Variants in CNTN5 observed in about 807,000 individuals in gnomAD.
The protein encoded by CNTN5 is contactin-5.
CNTN5 carries 77 observed loss-of-function variants against 129.1 expected under a neutral mutation model. The ratio of observed to expected loss-of-function variants is 0.60; its 90% CI spans 0.50 to 0.72. The LOEUF (loss-of-function observed/expected upper bound fraction) is 0.72, where lower values mean the gene tolerates loss of function less well. Among genes scored for constraint, CNTN5 ranks in the 30% least tolerant of loss-of-function variants. The probability of loss-of-function intolerance (pLI) is 0.00; values close to 1 mark genes in which losing one functional copy is unlikely to be tolerated. For synonymous variants in CNTN5, 509 were observed against 465.6 expected (o/e 1.09, Z -1.20); for missense variants, 1,478 against 1,328.8 (o/e 1.11, Z -1.75).
chr11:99,673,894 A>T (rs754392131), intron 3 of CNTN5, among the ~76,000 whole-genome samples: 1 of 152,160 alleles, frequency 6.6e-6, no homozygotes, highest in African/African-American at 2.4e-5. Flanking sequence ...GCTATTGTGA[A>T]TAGTGCTGCA....
At chr11:100,290,911 GA>G (rs1163514413) in intron 18 of CNTN5, among the ~76,000 whole-genome samples, 10 of 151,318 alleles carry the variant, frequency 6.6e-5, no homozygotes, top group East Asian at 2.0e-4. Flanking sequence ...AAATTTACAA[GA>G]AAAAAACAAA....
At chr11:99,932,262 G>C (rs556789521) in intron 7 of CNTN5, among the ~76,000 whole-genome samples, 1 of 152,032 alleles carries the variant, frequency 6.6e-6, no homozygotes, top group African/African-American at 2.4e-5. Flanking sequence ...GGTCGATCTC[G>C]GCTCACTGCA....
At chr11:99,422,530 A>G (rs932769739) in intron 2 of CNTN5, among the ~76,000 whole-genome samples, 3 of 52,002 alleles carry the variant, frequency 5.8e-5, no homozygotes, top group Admixed American at 2.7e-4. Context: ...ATATATATAT[A>G]TATATATATA....
At chr11:99,457,403 G>A (rs955341451) in intron 2 of CNTN5, among the ~76,000 whole-genome samples, 4 of 151,830 alleles carry the variant, frequency 2.6e-5, no homozygotes, top group Non-Finnish European at 5.9e-5. Flanking sequence ...GGAGGAAGCT[G>A]TTGTTTTAGC....
chr11:99,213,426 A>AC (rs1491162947), intron 1 of CNTN5, among the ~76,000 whole-genome samples: 1 of 145,706 alleles, frequency 6.9e-6, no homozygotes, highest in Non-Finnish European at 1.5e-5. Flanking sequence ...ATACATATAT[A>AC]CACGTGTATA....
intron 3 of CNTN5, among the ~76,000 whole-genome samples, chr11:99,600,599 G>A (rs763103331): frequency 3.9e-5 from 6 of 152,062 alleles, no homozygotes; most frequent in African/African-American, 7.2e-5. Flanking sequence ...GTTGGACTCC[G>A]GAGGATTGGG....
intron 1 of CNTN5, among the ~76,000 whole-genome samples, chr11:99,109,411 A>C (rs533921884): frequency 6.6e-6 from 1 of 152,194 alleles, no homozygotes; most frequent in Non-Finnish European, 1.5e-5. Flanking sequence ...TATATTTGTT[A>C]GATAGATATT....
intron 13 of CNTN5, among the ~76,000 whole-genome samples, chr11:100,078,771 A>G (rs1944245260): frequency 6.6e-6 from 1 of 152,106 alleles, no homozygotes; most frequent in Admixed American, 6.6e-5. Flanking sequence ...AGTGAATGTT[A>G]TGTATAATGA....
At chr11:100,349,306 A>G (rs537072571) in intron 23 of CNTN5, among the ~76,000 whole-genome samples, 2 of 152,032 alleles carry the variant, frequency 1.3e-5, no homozygotes, top group Non-Finnish European at 2.9e-5. Flanking sequence ...CTGTAAGAAA[A>G]TATATGTCAA....
chr11:99,367,500 G>A (rs1475354054), intron 2 of CNTN5, among the ~76,000 whole-genome samples: 1 of 152,060 alleles, frequency 6.6e-6, no homozygotes, highest in East Asian at 1.9e-4. Flanking sequence ...TTTGTGTGTA[G>A]GGAGAGCATT....
chr11:99,845,107 A>G lies in CNTN5; in HGVS notation c.422A>G (p.Glu141Gly). The G allele has an allele frequency of 6.2e-7, 1 of 1,613,680 alleles. No homozygotes were observed. The highest frequency in any genetic ancestry group is 8.5e-7 in the Non-Finnish European group (1 of 1,179,776). ...PSYRWLRNGTEIDLESDYRYS... is the reference protein window; with the variant it reads ...PSYRWLRNGTGIDLESDYRYS... ...CTAAGATGGCTTCGAAATGGAACAG[A>G]AATAGATCTGGAAAGTGATTATCGC... The change falls in exon 6 of 25, where the codon GAA becomes GGA. Residue 141 changes from glutamate to glycine, a missense_variant. By Grantham distance (98) the Glu-to-Gly change is moderately conservative. Coordinates refer to ENST00000524871, the MANE Select transcript of CNTN5 (RefSeq NM_014361.4).
At chr11:99,758,425 T>G (rs950515926) in intron 3 of CNTN5, among the ~76,000 whole-genome samples, 2 of 152,060 alleles carry the variant, frequency 1.3e-5, no homozygotes, top group African/African-American at 4.8e-5. Context: ...GGAAAATGAA[T>G]TGAAATTTAA....
At chr11:99,151,336 G>A (rs1374132319) in intron 1 of CNTN5, among the ~76,000 whole-genome samples, 1 of 152,090 alleles carries the variant, frequency 6.6e-6, no homozygotes, top group Non-Finnish European at 1.5e-5. Flanking sequence ...ATGAGAAAGA[G>A]TTGAGAGGAT....
intron 1 of CNTN5, among the ~76,000 whole-genome samples, chr11:99,045,884 A>T (rs1272506833): frequency 1.8e-4 from 28 of 152,192 alleles, no homozygotes; most frequent in Non-Finnish European, 1.5e-5. Context: ...CCTAATAAAC[A>T]CTTCAAAACC....
intron 1 of CNTN5, among the ~76,000 whole-genome samples, chr11:99,042,913 C>A (rs1864062795): frequency 2.7e-5 from 4 of 148,572 alleles, no homozygotes; most frequent in Admixed American, 1.3e-4. Context: ...CAATCCTTCT[C>A]ATACATTTAC....
chr11:99,862,930 A>T (rs1948252835), intron 6 of CNTN5, among the ~76,000 whole-genome samples: 1 of 152,062 alleles, frequency 6.6e-6, no homozygotes, highest in African/African-American at 2.4e-5. Flanking sequence ...CGATCTGGGG[A>T]AGTGTATATA....
At chr11:99,166,397 C>CAAAAAAAAAAA (rs57810491) in intron 1 of CNTN5, among the ~76,000 whole-genome samples, 1 of 82,922 alleles carries the variant, frequency 1.2e-5, no homozygotes. Flanking sequence ...AAGACTCTGT[C>CAAAAAAAAAAA]AAAAAAAAAA....
intron 13 of CNTN5, among the ~76,000 whole-genome samples, chr11:100,167,809 A>C (rs1043797994): frequency 6.6e-6 from 1 of 151,968 alleles, no homozygotes; most frequent in Non-Finnish European, 1.5e-5. Flanking sequence ...CTTGTTGAAG[A>C]AGGCATGTCA....
chr11:99,608,183 A>G (rs1012979618), intron 3 of CNTN5, among the ~76,000 whole-genome samples: 4 of 151,536 alleles, frequency 2.6e-5, no homozygotes, highest in African/African-American at 9.8e-5. Flanking sequence ...TTATCTGCTG[A>G]AAAGTCATAA....
Sources: gnomAD v4.1 joint callset for allele counts (sites outside exome capture counted in the v4.1 genomes callset) on GRCh38, gnomAD v4.1.1 for gene constraint, MANE v1.5 for transcripts, NCBI Gene and HGNC (gene_info 2026-07-23, HGNC 2026-07-21) for gene names.